Variants in PCDHGA2 observed in about 807,000 individuals in gnomAD.
PCDHGA2 encodes protocadherin gamma subfamily A, 2.
A neutral mutation model predicts 59.2 loss-of-function variants in PCDHGA2; 40 were observed. The ratio of observed to expected loss-of-function variants is 0.68; its 90% CI spans 0.52 to 0.88. The LOEUF (loss-of-function observed/expected upper bound fraction) is 0.88, where lower values mean the gene tolerates loss of function less well. PCDHGA2 is among the 40% of genes least tolerant of loss of function. PCDHGA2 has a pLI of 0.00. For synonymous variants in PCDHGA2, 560 were observed against 526.0 expected, an observed-to-expected ratio of 1.06 and a Z score of -0.89; for missense variants, 1,226 against 1,204.0, an observed-to-expected ratio of 1.02 and a Z score of -0.27.
At chr5:141,398,949 C>G in intron 1 of PCDHGA2, 1 of 1,613,948 alleles carries the variant, frequency 6.2e-7, no homozygotes, top group Non-Finnish European at 8.5e-7. Context: ...AGGGCATCAA[C>G]TCAGAAATTA....
Position 141,376,289 on chromosome 5 carries a change from C to G in PCDHGA2, c.2424+34894C>G, listed in dbSNP as rs778496260. 2.5e-6 allele frequency: 4 copies of G among 1,614,176 alleles called. No individual in the cohort carries two copies. Among genetic ancestry groups the G allele is most frequent in the African/African-American group, 2.7e-5 (2 of 75,056 alleles). ...TTCGGGAGGTGGCTTAGCGAGCATG[C>G]CCGGCTCGCACTTTGTGGGCGTGGA... On this transcript the variant is annotated intron_variant, in intron 1 of 3. Coordinates refer to ENST00000394576, the MANE Select transcript of PCDHGA2 (RefSeq NM_018915.4).
At chr5:141,350,694 C>G (rs1466835442) in intron 1 of PCDHGA2, 1 of 1,613,888 alleles carries the variant, frequency 6.2e-7, no homozygotes, top group Non-Finnish European at 8.5e-7. Flanking sequence ...TCAGCCTTAC[C>G]CGGGGTAAAA....
At chr5:141,462,627 A>T (rs1200455153) in intron 1 of PCDHGA2, among the ~76,000 whole-genome samples, 1 of 150,276 alleles carries the variant, frequency 6.7e-6, no homozygotes, top group East Asian at 1.9e-4. Flanking sequence ...TAGAAGTTCC[A>T]TTTGACTCTT....
intron 1 of PCDHGA2, among the ~76,000 whole-genome samples, chr5:141,407,479 T>C (rs1042229151): frequency 1.4e-5 from 2 of 144,060 alleles, no homozygotes; most frequent in East Asian, 1.9e-4. Context: ...GAATGGAGTA[T>C]GGAAAATCTT....
At chr5:141,443,704 C>T (rs894128704) in intron 1 of PCDHGA2, among the ~76,000 whole-genome samples, 6 of 152,102 alleles carry the variant, frequency 3.9e-5, no homozygotes, top group Non-Finnish European at 7.4e-5. Flanking sequence ...TATAGAATAA[C>T]ATTTGCATAT....
intron 1 of PCDHGA2, chr5:141,400,337 C>T: frequency 6.2e-7 from 1 of 1,614,080 alleles, no homozygotes; most frequent in Non-Finnish European, 8.5e-7. Context: ...GTGGTTCCCC[C>T]CAACTACAGT....
intron 1 of PCDHGA2, chr5:141,403,588 C>CGGTG (rs773103981): frequency 1.2e-6 from 2 of 1,613,904 alleles, no homozygotes; most frequent in East Asian, 2.2e-5. Flanking sequence ...ACCTGGTCCT[C>CGGTG]ACGGCCTCGG....
At position 141,413,736 on chromosome 5, in the gene PCDHGA2, G is replaced by A. The variant is rs189162146; in HGVS notation, c.2424+72341G>A. The A allele has an allele frequency of 1.9e-4, 309 of 1,613,452 alleles. No individual in the cohort carries two copies. In the African/African-American group the frequency reaches 3.0e-3, roughly 16 times the overall value. On this transcript the variant is annotated intron_variant, in intron 1 of 3. Coordinates refer to ENST00000394576, the MANE Select transcript of PCDHGA2 (RefSeq NM_018915.4). Reference sequence around the variant, plus strand: ...ATAAGCACTTCTCCCTAAGAGTTCAGAGCCGTGCCAATGGCGTCAAGTACC... The same window carrying A: ...ATAAGCACTTCTCCCTAAGAGTTCAAAGCCGTGCCAATGGCGTCAAGTACC...
chr5:141,364,942 A>G (rs768570129), intron 1 of PCDHGA2: 1 of 1,613,802 alleles, frequency 6.2e-7, no homozygotes, highest in East Asian at 2.2e-5. Context: ...ACCGCGAGAA[A>G]GAGACTGTTC....
intron 1 of PCDHGA2, chr5:141,385,017 C>T: frequency 6.2e-7 from 1 of 1,614,188 alleles, no homozygotes; most frequent in Non-Finnish European, 8.5e-7. Context: ...TCTTCCTAGC[C>T]TTCGTCCTCG....
intron 1 of PCDHGA2, among the ~76,000 whole-genome samples, chr5:141,453,623 T>C (rs1264665094): frequency 1.3e-5 from 2 of 152,238 alleles, no homozygotes; most frequent in Admixed American, 1.3e-4. Flanking sequence ...AAACAAAACC[T>C]ATACATATTT....
intron 1 of PCDHGA2, chr5:141,391,427 A>G (rs1374909206): frequency 1.3e-5 from 2 of 151,516 alleles, no homozygotes; most frequent in Non-Finnish European, 2.9e-5. Flanking sequence ...TTCCTTCTGC[A>G]TCAGCCTCCT....
rs760878091 is a variant in PCDHGA2 at position 141,476,406 on chromosome 5, T to A, written c.2425-18401T>A. The A allele has an allele frequency of 6.2e-7, 1 of 1,614,054 alleles. No individual in the cohort carries two copies. The highest frequency in any genetic ancestry group is 8.5e-7 in the Non-Finnish European group (1 of 1,180,002). On this transcript the variant is annotated intron_variant, in intron 1 of 3. Transcript: ENST00000394576. The surrounding 1 kb of genome is among the most constrained non-coding windows in gnomAD (Gnocchi z 7.6). Reference sequence around the variant, plus strand: ...AACGACCGTCTGGATCGAGAGGAGCTGTGTGGGACACTGCCCTCTTGCACT... The same window carrying A: ...AACGACCGTCTGGATCGAGAGGAGCAGTGTGGGACACTGCCCTCTTGCACT...
chr5:141,491,361 C>T lies in PCDHGA2; in HGVS notation c.2425-3446C>T. 1 of 1,614,132 alleles carries T rather than the reference C, an allele frequency of 6.2e-7. No homozygotes were observed. The highest frequency in any genetic ancestry group is 8.5e-7 in the Non-Finnish European group (1 of 1,179,982). ...CGACCGTCAGTCTCTTATCCCTAGT[C>T]ACCTTCACCTTTCTGTCAGCGAAGT... On this transcript the variant is annotated intron_variant, in intron 1 of 3. Transcript: ENST00000394576. The surrounding 1 kb of genome is among the most constrained non-coding windows in gnomAD (Gnocchi z 6.9).
At chr5:141,356,178 T>C (rs1378242002) in intron 1 of PCDHGA2, 2 of 1,612,174 alleles carry the variant, frequency 1.2e-6, no homozygotes, top group Non-Finnish European at 8.5e-7. Flanking sequence ...ATGGGCCTGG[T>C]CTCCGAGCTA....
intron 1 of PCDHGA2, among the ~76,000 whole-genome samples, chr5:141,369,601 T>C (rs1247680470): frequency 2.0e-5 from 3 of 152,244 alleles, no homozygotes; most frequent in Non-Finnish European, 4.4e-5. Flanking sequence ...ACTTCTATTT[T>C]ATAAGGTCAA....
intron 1 of PCDHGA2, chr5:141,392,663 A>C: frequency 1.2e-6 from 1 of 810,712 alleles, no homozygotes; most frequent in Non-Finnish European, 1.8e-6. Flanking sequence ...GATGCCACAA[A>C]CTAACTGCTG....
intron 1 of PCDHGA2, among the ~76,000 whole-genome samples, chr5:141,453,095 G>T (rs1254113352): frequency 6.6e-6 from 1 of 151,962 alleles, no homozygotes; most frequent in African/African-American, 2.4e-5. Flanking sequence ...TATATTTTCT[G>T]TTGCTTTTTT....
chr5:141,395,081 A>G (rs749375075), intron 1 of PCDHGA2: 3 of 1,614,156 alleles, frequency 1.9e-6, no homozygotes, highest in South Asian at 1.1e-5. Context: ...ATTCCCAGGA[A>G]GTCTCCCTCA....
Sources: allele counts gnomAD v4.1 joint callset (sites outside exome capture counted in the v4.1 genomes callset), GRCh38; gene constraint gnomAD v4.1.1; non-coding constraint Gnocchi (gnomAD v3.1); transcripts MANE v1.5; gene names NCBI Gene and HGNC (gene_info 2026-07-23, HGNC 2026-07-21).